The following NUBPL variants were observed in gnomAD, a reference collection of about 807,000 sequenced individuals.
The protein encoded by NUBPL is iron-sulfur cluster transfer protein NUBPL.
Under a neutral mutation model 45.7 loss-of-function variants are expected in NUBPL, and 31 were observed. The ratio of observed to expected loss-of-function variants is 0.68; its 90% CI spans 0.51 to 0.92. The LOEUF (loss-of-function observed/expected upper bound fraction) is 0.92, where lower values mean the gene tolerates loss of function less well. Among genes scored for constraint, NUBPL ranks in the 40% least tolerant of loss-of-function variants. NUBPL has a pLI of 0.00. For synonymous variants in NUBPL, 144 were observed against 140.9 expected (o/e 1.02, Z -0.15); for missense variants, 401 against 398.7 (o/e 1.01, Z -0.05).
intron 4 of NUBPL, among the ~76,000 whole-genome samples, chr14:31,607,174 A>G (rs902219182): frequency 5.9e-5 from 9 of 152,106 alleles, no homozygotes; most frequent in Admixed American, 1.3e-4. Context: ...TGAGCTCAGG[A>G]GTTCAAGACC....
chr14:31,842,149 T>C (rs1198325396), intron 8 of NUBPL, among the ~76,000 whole-genome samples: 1 of 151,778 alleles, frequency 6.6e-6, no homozygotes, highest in Non-Finnish European at 1.5e-5. Context: ...CAGGATGGTC[T>C]TGATCTGACC....
chr14:31,787,747 T>A (rs1344513871), intron 6 of NUBPL, 33 bp from the exon 7 acceptor site: 1 of 1,360,420 alleles, frequency 7.4e-7, no homozygotes, highest in East Asian at 2.3e-5. Context: ...ATTGAATTTT[T>A]ATACAATGAT....
At chr14:31,626,491 C>T (rs1404232062) in intron 4 of NUBPL, among the ~76,000 whole-genome samples, 1 of 152,182 alleles carries the variant, frequency 6.6e-6, no homozygotes. Flanking sequence ...CTGTAACCTT[C>T]CTCTTTCCTT....
At chr14:31,760,686 G>GTA (rs1012937271) in intron 6 of NUBPL, among the ~76,000 whole-genome samples, 9 of 151,966 alleles carry the variant, frequency 5.9e-5, no homozygotes, top group African/African-American at 2.2e-4. Context: ...ATTCCATTGT[G>GTA]TATATGTACC....
chr14:31,561,494 G>A lies in NUBPL; in HGVS notation c.55G>A (p.Gly19Ser). 2 of 1,400,066 alleles carry A rather than the reference G, an allele frequency of 1.4e-6. No individual in the cohort carries two copies. Among genetic ancestry groups the A allele is most frequent in the Non-Finnish European group, 9.4e-7 (1 of 1,069,130 alleles). The allele number at this position is 1,400,066 out of a possible 1,614,324, so 86.7% of individuals were successfully genotyped here. ...LFGGVSLRAG[G>S]GATAPLGGSR... ...TGGTGGGGTGTCGCTCCGGGCTGGT[G>A]GCGGGGCCACTGCCCCGCTTGGGGG... The change falls in exon 1 of 11, where the codon GGC becomes AGC. Residue 19 changes from glycine to serine, a missense_variant. By Grantham distance (56) the Gly-to-Ser change is moderately conservative (BLOSUM62 0). Transcript: ENST00000281081.
intron 6 of NUBPL, among the ~76,000 whole-genome samples, chr14:31,720,363 A>G (rs938676145): frequency 1.3e-5 from 2 of 152,158 alleles, no homozygotes; most frequent in Non-Finnish European, 2.9e-5. Flanking sequence ...TAAAACATGG[A>G]TATAGTAATA....
chr14:31,580,499 T>TCC (rs758527011), intron 3 of NUBPL, among the ~76,000 whole-genome samples: 7 of 152,096 alleles, frequency 4.6e-5, no homozygotes, highest in Non-Finnish European at 8.8e-5. Context: ...ACAGCTGTAG[T>TCC]CCCAGCTACT....
chr14:31,566,558 C>T (rs1044192481), intron 3 of NUBPL, among the ~76,000 whole-genome samples: 1 of 151,898 alleles, frequency 6.6e-6, no homozygotes, highest in Non-Finnish European at 1.5e-5. Flanking sequence ...CTGAAGGACA[C>T]CCTTGAGTCC....
At chr14:31,577,054 G>A (rs886199994) in intron 3 of NUBPL, among the ~76,000 whole-genome samples, 2 of 152,150 alleles carry the variant, frequency 1.3e-5, no homozygotes, top group Admixed American at 1.3e-4. Flanking sequence ...CTGGATTAGT[G>A]GTTGAAGTAG....
At chr14:31,700,159 A>G (rs2037299766) in intron 6 of NUBPL, among the ~76,000 whole-genome samples, 1 of 152,258 alleles carries the variant, frequency 6.6e-6, no homozygotes. Context: ...CTGAGGTACA[A>G]TGGCATTTCC....
At chr14:31,788,436 C>G (rs1191413339) in intron 7 of NUBPL, among the ~76,000 whole-genome samples, 1 of 152,184 alleles carries the variant, frequency 6.6e-6, no homozygotes, top group Non-Finnish European at 1.5e-5. Flanking sequence ...AAGTCCCTAC[C>G]TTGTCCCTGA....
At chr14:31,720,880 ATAAT>A (rs1283756013) in intron 6 of NUBPL, among the ~76,000 whole-genome samples, 4 of 152,200 alleles carry the variant, frequency 2.6e-5, no homozygotes, top group Non-Finnish European at 5.9e-5. Context: ...CTTTTATCAA[ATAAT>A]TAGTTTCCTC....
chr14:31,676,146 C>T (rs1476501386), intron 6 of NUBPL, among the ~76,000 whole-genome samples: 1 of 151,994 alleles, frequency 6.6e-6, no homozygotes, highest in Non-Finnish European at 1.5e-5. Context: ...CCTCAGCCTT[C>T]TGAGTAGCTG....
chr14:31,714,016 A>G (rs570023103), intron 6 of NUBPL, among the ~76,000 whole-genome samples: 1 of 152,322 alleles, frequency 6.6e-6, no homozygotes, highest in African/African-American at 2.4e-5. Context: ...TGTAGAAACT[A>G]TTCCCAGCCC....
At chr14:31,799,491 C>T (rs1159667416) in intron 7 of NUBPL, among the ~76,000 whole-genome samples, 1 of 152,130 alleles carries the variant, frequency 6.6e-6, no homozygotes, top group East Asian at 1.9e-4. Flanking sequence ...AACCTCATTA[C>T]AGGTACACCT....
chr14:31,573,815 A>G (rs983209800), intron 3 of NUBPL, among the ~76,000 whole-genome samples: 1 of 152,118 alleles, frequency 6.6e-6, no homozygotes, highest in African/African-American at 2.4e-5. Context: ...CACTTTCTAT[A>G]TTATTTTATA....
chr14:31,713,465 TC>T (rs1285031693), intron 6 of NUBPL, among the ~76,000 whole-genome samples: 1 of 152,210 alleles, frequency 6.6e-6, no homozygotes, highest in African/African-American at 2.4e-5. Context: ...TCTTTCCCTT[TC>T]AGTTGTGCCA....
At chr14:31,848,296 AG>A (rs2040484786) in intron 9 of NUBPL, among the ~76,000 whole-genome samples, 1 of 152,186 alleles carries the variant, frequency 6.6e-6, no homozygotes, top group African/African-American at 2.4e-5. Flanking sequence ...GAAGTGGAGC[AG>A]GGCTTCAATT....
chr14:31,815,113 T>C (rs2039889294), intron 7 of NUBPL, among the ~76,000 whole-genome samples: 2 of 152,210 alleles, frequency 1.3e-5, no homozygotes, highest in African/African-American at 4.8e-5. Flanking sequence ...ATTGAATATA[T>C]AAATTACTTT....
Sources: allele counts gnomAD v4.1 joint callset (sites outside exome capture counted in the v4.1 genomes callset), GRCh38; gene constraint gnomAD v4.1.1; transcripts MANE v1.5; gene names NCBI Gene and HGNC (gene_info 2026-07-23, HGNC 2026-07-21).